Variants in MED26 observed in about 807,000 individuals in gnomAD.
MED26 encodes mediator complex subunit 26, also known as mediator of RNA polymerase II transcription subunit 26.
Under a neutral mutation model 43.7 loss-of-function variants are expected in MED26, and 7 were observed. That is an observed-to-expected ratio of 0.16 (90% CI 0.09 to 0.30). The LOEUF (loss-of-function observed/expected upper bound fraction) is 0.30, where lower values mean the gene tolerates loss of function less well. Among genes scored for constraint, MED26 ranks in the 10% least tolerant of loss-of-function variants. MED26 has a pLI of 1.00. For missense variants in MED26, 784 were observed against 840.6 expected (o/e 0.93, Z 0.83); for synonymous variants, 375 against 371.1 (o/e 1.01, Z -0.12).
chr19:16,627,963 G>A lies in MED26; in HGVS notation c.-20C>T, dbSNP rs1488172990. The A allele has an allele frequency of 2.3e-5, 33 of 1,434,732 alleles. No homozygotes were observed. The highest frequency in any genetic ancestry group is 3.0e-5 in the Non-Finnish European group (33 of 1,089,762). The allele number at this position is 1,434,732 out of a possible 1,614,324, so 88.9% of individuals were successfully genotyped here. A position where few individuals can be genotyped will look rare whatever the true frequency, so the allele number is the denominator to read the frequency against. On this transcript the variant is annotated 5_prime_UTR_variant, in exon 1 of 3. Coordinates refer to ENST00000263390, the MANE Select transcript of MED26 (RefSeq NM_004831.5). ...TGTCATTGCCTGGGCGAGGCGGGGG[G>A]TTGCGGCCGGGCCAGCGGGCGGGCG...
At chr19:16,621,787 T>C (rs536660335) in intron 1 of MED26, among the ~76,000 whole-genome samples, 3 of 152,066 alleles carry the variant, frequency 2.0e-5, no homozygotes, top group Middle Eastern at 3.2e-3. Context: ...ACCACTTCCC[T>C]AAGCACATCA....
chr19:16,599,735 C>G lies in MED26; in HGVS notation c.73-21326G>C, dbSNP rs1042236646. Reference sequence around the variant, plus strand: ...GCCCCTGCCAAACCGCTCCCCTACCCTGCTGGCCTGGGGCTGGAACTGGGG... The same window carrying G: ...GCCCCTGCCAAACCGCTCCCCTACCGTGCTGGCCTGGGGCTGGAACTGGGG... On this transcript the variant is annotated intron_variant, in intron 1 of 2. Transcript: ENST00000263390. 7.9e-5 allele frequency among the ~76,000 whole-genome samples: 12 copies of G among 152,144 alleles called. No homozygotes were observed. In the East Asian group the frequency reaches 2.2e-3, roughly 28 times the overall value.
chr19:16,627,265 G>A (rs899554804), intron 1 of MED26, among the ~76,000 whole-genome samples: 2 of 152,134 alleles, frequency 1.3e-5, no homozygotes, highest in Admixed American at 6.5e-5. Context: ...ACCCCAAGAG[G>A]GTTTTGGCAA....
intron 1 of MED26, among the ~76,000 whole-genome samples, chr19:16,621,237 A>G (rs186539759): frequency 6.6e-6 from 1 of 152,314 alleles, no homozygotes; most frequent in East Asian, 1.9e-4. Context: ...ATACCAGACA[A>G]ATCGGTGAAT....
rs988965207 is a variant in MED26 at position 16,604,511 on chromosome 19, G to A, written c.72+23361C>T. 2.0e-5 allele frequency among the ~76,000 whole-genome samples: 3 copies of A among 152,224 alleles called. No individual in the cohort carries two copies. In the South Asian group the frequency reaches 6.2e-4, roughly 32 times the overall value. On this transcript the variant is annotated intron_variant, in intron 1 of 2. Coordinates refer to ENST00000263390, the MANE Select transcript of MED26 (RefSeq NM_004831.5). ...CGACTAAGCTCAGGAACGCCCAGGAGTGCAGGGCCATGCCTGGATGTGCAG... is the reference window on the plus strand; with the variant it reads ...CGACTAAGCTCAGGAACGCCCAGGAATGCAGGGCCATGCCTGGATGTGCAG...
In MED26 at chr19:16,582,624, C is replaced by G. The variant is rs141398801; in HGVS notation, c.73-4215G>C. Reference sequence around the variant, plus strand: ...CAGAGACACCAGGACTCGTATGTGGCTGAGGGGAGGCTCCCGCTCTGACTC... The same window carrying G: ...CAGAGACACCAGGACTCGTATGTGGGTGAGGGGAGGCTCCCGCTCTGACTC... On this transcript the variant is annotated intron_variant, in intron 1 of 2. Coordinates refer to ENST00000263390, the MANE Select transcript of MED26 (RefSeq NM_004831.5). Among the ~76,000 whole-genome samples, 166 of 152,302 alleles carry G rather than the reference C, an allele frequency of 1.1e-3. 2 individuals carry two copies. The highest frequency in any genetic ancestry group is 3.9e-3 in the African/African-American group (162 of 41,578).
chr19:16,579,329 C>A (rs1023903193), intron 1 of MED26, among the ~76,000 whole-genome samples: 2 of 152,196 alleles, frequency 1.3e-5, no homozygotes, highest in Non-Finnish European at 2.9e-5. Context: ...TGCTGATGCT[C>A]AGCCTCTCAG....
Position 16,577,925 on chromosome 19 carries a change from G to A in MED26, c.148-243C>T. On this transcript the variant is annotated intron_variant, in intron 2 of 2. Transcript: ENST00000263390. This position sits in a 1 kb window ranked among gnomAD's most constrained non-coding sequence, Gnocchi z 8.1. Reference sequence around the variant, plus strand: ...GCTTCTCAGCAGTGCTGTCACCCAGGCTCCTGGTGTCAGGGGGCTGTGGAC... The same window carrying A: ...GCTTCTCAGCAGTGCTGTCACCCAGACTCCTGGTGTCAGGGGGCTGTGGAC... 2.1e-6 allele frequency: 1 copy of A among 476,426 alleles called. No homozygotes were observed. The allele number at this position is 476,426 out of a possible 1,614,324, so 29.5% of individuals were successfully genotyped here.
At chr19:16,593,309 G>A (rs1322264907) in intron 1 of MED26, among the ~76,000 whole-genome samples, 1 of 152,196 alleles carries the variant, frequency 6.6e-6, no homozygotes, top group Non-Finnish European at 1.5e-5. Flanking sequence ...GAGGCAGGGA[G>A]GCATGAGGGA....
At chr19:16,605,190 A>C (rs1333774259) in intron 1 of MED26, among the ~76,000 whole-genome samples, 1 of 152,282 alleles carries the variant, frequency 6.6e-6, no homozygotes. Flanking sequence ...CAAGACAGAC[A>C]TAACTGTTTA....
chr19:16,616,518 C>A (rs1257375569), intron 1 of MED26, among the ~76,000 whole-genome samples: 1 of 152,194 alleles, frequency 6.6e-6, no homozygotes, highest in Non-Finnish European at 1.5e-5. Flanking sequence ...CCTGGAGGTC[C>A]AGCTTGCAGG....
intron 1 of MED26, among the ~76,000 whole-genome samples, chr19:16,582,012 A>G (rs2086048244): frequency 6.6e-6 from 1 of 152,276 alleles, no homozygotes; most frequent in South Asian, 2.1e-4. Flanking sequence ...AAGGGGCAGA[A>G]AATGGATCCT....
intron 1 of MED26, chr19:16,612,318 T>C (rs1334054233): frequency 6.6e-6 from 1 of 152,212 alleles, no homozygotes. Context: ...AGGGTCTCGC[T>C]CTATCACCCA....
intron 1 of MED26, among the ~76,000 whole-genome samples, chr19:16,579,400 C>A (rs866792170): frequency 6.6e-6 from 1 of 152,198 alleles, no homozygotes; most frequent in African/African-American, 2.4e-5. Context: ...ATACACGTGC[C>A]CCACTGACAA....
Position 16,576,043 on chromosome 19 carries a change from T to A in MED26, c.1787A>T (p.Tyr596Phe), listed in dbSNP as rs2085994863. The change falls in exon 3 of 3, where the codon TAT (tyrosine) becomes TTT (phenylalanine). Residue 596 changes from tyrosine to phenylalanine, a missense_variant. Transcript: ENST00000263390. The surrounding 1 kb of genome is among the most constrained non-coding windows in gnomAD (Gnocchi z 6.8). The stretch of plus-strand genomic sequence containing the variant: ...ACAGGCCGGTCAGTCCAAGCAGACA[T>A]AAGGCAGAATGTTCAAGCGCCCGTC... ...GDDGRLNILPYVCLD is the reference protein window; with the variant it reads ...GDDGRLNILPFVCLD 6.2e-7 allele frequency: 1 copy of A among 1,612,966 alleles called. No individual in the cohort carries two copies. The highest frequency in any genetic ancestry group is 8.5e-7 in the Non-Finnish European group (1 of 1,179,756).
chr19:16,592,664 C>T (rs553427772), intron 1 of MED26, among the ~76,000 whole-genome samples: 31 of 152,318 alleles, frequency 2.0e-4, no homozygotes, highest in Admixed American at 1.0e-3. Context: ...CCACTTGGCT[C>T]CCAGAGCTCC....
Position 16,577,378 on chromosome 19 carries a change from C to T in MED26, c.452G>A (p.Gly151Asp), listed in dbSNP as rs531503971. The T allele has an allele frequency of 1.9e-6, 3 of 1,609,656 alleles. No homozygotes were observed. The highest frequency in any genetic ancestry group is 2.2e-5 in the East Asian group (1 of 44,760). Residue 151 changes from glycine (G) to aspartate (D), a missense_variant, in exon 3 of 3, where the codon GGT (glycine) becomes GAT (aspartate). Around this residue, in one of 3 missense-constraint regions of MED26, gnomAD observed 719 missense variants for 730.9 expected, o/e 0.98. Coordinates refer to ENST00000263390, the MANE Select transcript of MED26 (RefSeq NM_004831.5). The surrounding 1 kb of genome is among the most constrained non-coding windows in gnomAD (Gnocchi z 8.1). ...TGGGTGGCCGAGGTCACGCTGGTCA[C>T]CCCGGCGCTTGCGGCTGCCCAGCCT... Reference protein sequence around the residue: ...LDRLGSRKRRGDQRDLGHPGP... With the variant: ...LDRLGSRKRRDDQRDLGHPGP...
intron 1 of MED26, among the ~76,000 whole-genome samples, chr19:16,625,762 G>A (rs755561938): frequency 2.6e-5 from 4 of 152,080 alleles, no homozygotes; most frequent in African/African-American, 9.7e-5. Flanking sequence ...TGTCCACCGC[G>A]GCTCTGTGTT....
chr19:16,615,493 T>C (rs2086221318), intron 1 of MED26, among the ~76,000 whole-genome samples: 1 of 152,136 alleles, frequency 6.6e-6, no homozygotes, highest in South Asian at 2.1e-4. Context: ...CTGTCATTCA[T>C]CCCAGCACTT....
Sources: allele counts gnomAD v4.1 joint callset (sites outside exome capture counted in the v4.1 genomes callset), GRCh38; gene constraint gnomAD v4.1.1; regional missense constraint gnomAD v4.1.1; non-coding constraint Gnocchi (gnomAD v3.1); transcripts MANE v1.5; gene names NCBI Gene and HGNC (gene_info 2026-07-23, HGNC 2026-07-21).